Variants in RBFOX1 observed in about 807,000 individuals in gnomAD.
RBFOX1 encodes RNA binding fox-1 homolog 1, also known as RNA binding protein fox-1 homolog 1.
In RBFOX1, 8 loss-of-function variants were observed where a neutral mutation model predicts 57.7. That is an observed-to-expected ratio of 0.14 (90% confidence interval 0.08 to 0.25). RBFOX1 has a LOEUF of 0.25. Among genes scored for constraint, RBFOX1 ranks in the 10% least tolerant of loss-of-function variants. RBFOX1 has a pLI of 1.00. For missense variants in RBFOX1, 611 were observed against 548.5 expected (o/e 1.11, Z -1.14); for synonymous variants, 326 against 222.4 (o/e 1.47, Z -4.15).
chr16:6,914,604 T>G lies in RBFOX1; in HGVS notation c.-15-137453T>G, dbSNP rs544123260. Among the ~76,000 whole-genome samples the G allele has an allele frequency of 3.3e-5, 5 of 150,346 alleles. No individual in the cohort carries two copies. In the South Asian group the frequency reaches 1.0e-3, roughly 32 times the overall value. Reference sequence around the variant, plus strand: ...AAACAGGGATCAAGGCCAGGAGCAGTGGCTCACGCCTCTAATCGCAGCACT... The same window carrying G: ...AAACAGGGATCAAGGCCAGGAGCAGGGGCTCACGCCTCTAATCGCAGCACT... On this transcript the variant is annotated intron_variant, in intron 3 of 15. Transcript: ENST00000550418.
chr16:5,461,612 T>G (rs563005712), intron 1 of RBFOX1, among the ~76,000 whole-genome samples: 28 of 152,344 alleles, frequency 1.8e-4, no homozygotes, highest in Non-Finnish European at 3.2e-4. Context: ...TGTCCCATAT[T>G]TCTGCCTTTA....
chr16:7,126,351 G>C (rs926668954), intron 4 of RBFOX1: 4 of 263,184 alleles, frequency 1.5e-5, no homozygotes, highest in African/African-American at 2.3e-5. Context: ...TCGAGGTGGG[G>C]GTTTTTGGTC....
chr16:7,579,957 G>A (rs1377787281), intron 6 of RBFOX1, 37 bp downstream of exon 6: 3 of 1,607,300 alleles, frequency 1.9e-6, no homozygotes, highest in Non-Finnish European at 1.7e-6. Context: ...TGCCCGCTCT[G>A]GGGGTTCCAG....
At chr16:5,305,785 C>T (rs536586842) in intron 1 of RBFOX1, among the ~76,000 whole-genome samples, 13 of 152,194 alleles carry the variant, frequency 8.5e-5, no homozygotes, top group Middle Eastern at 3.4e-3. Flanking sequence ...AAGCCAGATG[C>T]GGTGGCTTAT....
chr16:5,861,003 C>G (rs959737557), intron 3 of RBFOX1, among the ~76,000 whole-genome samples: 1 of 152,162 alleles, frequency 6.6e-6, no homozygotes, highest in Non-Finnish European at 1.5e-5. Flanking sequence ...TAAAGGGATA[C>G]CAAAGAGAAA....
chr16:7,108,993 AT>A (rs1189821552), intron 4 of RBFOX1, among the ~76,000 whole-genome samples: 1 of 152,184 alleles, frequency 6.6e-6, no homozygotes, highest in East Asian at 1.9e-4. Context: ...GTAGGTTTGC[AT>A]TTGTCAATGG....
At chr16:7,629,496 G>A (rs1323315813) in intron 10 of RBFOX1, among the ~76,000 whole-genome samples, 2 of 152,106 alleles carry the variant, frequency 1.3e-5, no homozygotes, top group Non-Finnish European at 2.9e-5. Flanking sequence ...AAACTGGGGC[G>A]GTTGACCTTC....
intron 4 of RBFOX1, among the ~76,000 whole-genome samples, chr16:7,252,068 C>T (rs748318273): frequency 3.9e-5 from 6 of 152,108 alleles, no homozygotes; most frequent in Non-Finnish European, 8.8e-5. Context: ...TAGCACACTG[C>T]AAACATGGTT....
chr16:6,937,035 A>G (rs2153487414), intron 3 of RBFOX1, among the ~76,000 whole-genome samples: 2 of 152,134 alleles, frequency 1.3e-5, no homozygotes, highest in African/African-American at 2.4e-5. Context: ...TTGCACATGT[A>G]TACGTATGTA....
intron 2 of RBFOX1, among the ~76,000 whole-genome samples, chr16:6,627,445 GA>G (rs1002669648): frequency 8.5e-5 from 13 of 152,142 alleles, no homozygotes; most frequent in South Asian, 6.2e-4. Context: ...TTACCCATCA[GA>G]AAAGTCTCTA....
At chr16:6,301,037 A>T (rs1402709777) in intron 1 of RBFOX1, among the ~76,000 whole-genome samples, 3 of 152,208 alleles carry the variant, frequency 2.0e-5, no homozygotes, top group Non-Finnish European at 2.9e-5. Context: ...AACTTACATT[A>T]TGTTCCTTTG....
At chr16:5,829,781 T>C (rs536267050) in intron 3 of RBFOX1, among the ~76,000 whole-genome samples, 4 of 152,332 alleles carry the variant, frequency 2.6e-5, no homozygotes, top group African/African-American at 7.2e-5. Context: ...CAAAGGCCTT[T>C]GAATGCCATC....
At chr16:7,200,866 T>C (rs911553381) in intron 4 of RBFOX1, among the ~76,000 whole-genome samples, 5 of 152,250 alleles carry the variant, frequency 3.3e-5, no homozygotes, top group African/African-American at 4.8e-5. Flanking sequence ...TTATGTGACT[T>C]TGAGGCAACT....
At chr16:7,696,816 AG>A (rs1350299586) in intron 14 of RBFOX1, among the ~76,000 whole-genome samples, 1 of 152,296 alleles carries the variant, frequency 6.6e-6, no homozygotes. Flanking sequence ...GGCCTGTCTG[AG>A]GGGGTAACAT....
At chr16:5,389,825 G>A (rs2066355800) in intron 1 of RBFOX1, among the ~76,000 whole-genome samples, 1 of 152,042 alleles carries the variant, frequency 6.6e-6, no homozygotes, top group African/African-American at 2.4e-5. Context: ...AGCTTCCTGA[G>A]TAGCTGGGAT....
At chr16:7,554,905 C>T (rs1024859019) in intron 5 of RBFOX1, among the ~76,000 whole-genome samples, 3 of 152,032 alleles carry the variant, frequency 2.0e-5, no homozygotes, top group African/African-American at 7.2e-5. Flanking sequence ...TAACATAAAT[C>T]CAAGGTGTTG....
chr16:7,364,582 A>G (rs1025316272), intron 4 of RBFOX1, among the ~76,000 whole-genome samples: 2 of 150,654 alleles, frequency 1.3e-5, no homozygotes, highest in Admixed American at 1.3e-4. Context: ...GACCAAAAAA[A>G]AAAAAAACAA....
intron 3 of RBFOX1, among the ~76,000 whole-genome samples, chr16:6,828,025 A>C (rs1262525201): frequency 6.6e-6 from 1 of 152,196 alleles, no homozygotes; most frequent in Non-Finnish European, 1.5e-5. Context: ...CACAGAGCTC[A>C]ATACTGGCAC....
intron 2 of RBFOX1, among the ~76,000 whole-genome samples, chr16:6,627,520 G>C (rs941178045): frequency 6.6e-6 from 1 of 152,184 alleles, no homozygotes; most frequent in Non-Finnish European, 1.5e-5. Flanking sequence ...TAACACAGTG[G>C]AGGATTTGAG....
Sources: gnomAD v4.1 joint callset for allele counts (sites outside exome capture counted in the v4.1 genomes callset) on GRCh38, gnomAD v4.1.1 for gene constraint, MANE v1.5 for transcripts, NCBI Gene and HGNC (gene_info 2026-07-23, HGNC 2026-07-21) for gene names.